Variants in CDC42BPA observed in about 807,000 individuals in gnomAD.
CDC42BPA encodes the protein CDC42 binding protein kinase alpha, also known as serine/threonine-protein kinase MRCK alpha.
CDC42BPA carries 80 observed loss-of-function variants against 223.5 expected under a neutral mutation model. The ratio of observed to expected loss-of-function variants is 0.36; its 90% CI spans 0.30 to 0.43. The LOEUF (loss-of-function observed/expected upper bound fraction) is 0.43. Among genes scored for constraint, CDC42BPA ranks in the 20% least tolerant of loss-of-function variants. The pLI is 1.00. For missense variants in CDC42BPA, 1,743 were observed against 2,099.9 expected (o/e 0.83, Z 3.32); for synonymous variants, 694 against 718.6 (o/e 0.97, Z 0.55).
chr1:227,219,779 T>C (rs1193928988), intron 2 of CDC42BPA, among the ~76,000 whole-genome samples: 1 of 152,112 alleles, frequency 6.6e-6, no homozygotes, highest in Non-Finnish European at 1.5e-5. Flanking sequence ...TCATAAACAC[T>C]ACAGGGTATG....
chr1:226,994,330 A>G lies in CDC42BPA; in HGVS notation c.5203T>C (p.Ser1735Pro). The G allele has an allele frequency of 6.2e-7, 1 of 1,600,024 alleles. No homozygotes were observed. The highest frequency in any genetic ancestry group is 1.1e-5 in the South Asian group (1 of 88,814). The change falls in exon 37 of 37, where the codon TCA becomes CCA. Residue 1735 changes from serine (S) to proline (P), a missense_variant. This residue lies in a region of CDC42BPA where 200 missense variants were observed against 192.8 expected (regional missense o/e 1.04). Coordinates refer to ENST00000366766, the MANE Select transcript of CDC42BPA (RefSeq NM_001394014.1). This position sits in a 1 kb window ranked among gnomAD's most constrained non-coding sequence, Gnocchi z 4.0. ...GAGAGGCTCTTGGTTTTTCGGGGTG[A>G]AGCTGGGCTTGGGGGGCTGCTTAGG... ...SNLSSPPSPA[S>P]PRKTKSLSLE...
At chr1:226,995,402 T>C (rs1460348224) in intron 35 of CDC42BPA, among the ~76,000 whole-genome samples, 5 of 152,160 alleles carry the variant, frequency 3.3e-5, no homozygotes, top group South Asian at 2.1e-4. Context: ...ATTCTCCCAA[T>C]AGATGAGGTG....
At chr1:227,094,402 T>C (rs1270421715) in intron 15 of CDC42BPA, among the ~76,000 whole-genome samples, 1 of 152,178 alleles carries the variant, frequency 6.6e-6, no homozygotes, top group East Asian at 1.9e-4. Context: ...CAACAATGAA[T>C]AGCCAGTCAC....
chr1:227,137,847 T>C (rs1658900563), intron 10 of CDC42BPA, among the ~76,000 whole-genome samples: 1 of 152,104 alleles, frequency 6.6e-6, no homozygotes, highest in South Asian at 2.1e-4. Context: ...TGATGTTTAT[T>C]TCATAGTGGT....
chr1:227,055,142 G>A (rs1674290450), intron 21 of CDC42BPA, among the ~76,000 whole-genome samples: 1 of 151,760 alleles, frequency 6.6e-6, no homozygotes, highest in South Asian at 2.1e-4. Flanking sequence ...CTTGGTAAAG[G>A]TGAATAAACT....
At chr1:227,052,465 A>C (rs1673716771) in intron 21 of CDC42BPA, among the ~76,000 whole-genome samples, 1 of 152,208 alleles carries the variant, frequency 6.6e-6, no homozygotes. Flanking sequence ...CACTAAAGTA[A>C]GTCTTCCCTT....
chr1:227,306,175 C>T (rs1455686525), intron 1 of CDC42BPA, among the ~76,000 whole-genome samples: 4 of 135,954 alleles, frequency 2.9e-5, no homozygotes, highest in Non-Finnish European at 6.2e-5. Context: ...CTACAAAGGT[C>T]TTGGATGTGT....
chr1:227,289,655 A>G (rs1689364403), intron 1 of CDC42BPA, among the ~76,000 whole-genome samples: 1 of 152,200 alleles, frequency 6.6e-6, no homozygotes, highest in Admixed American at 6.5e-5. Flanking sequence ...TATGTCTGTC[A>G]CATAGGAGGT....
At chr1:227,272,937 A>G (rs1418407765) in intron 1 of CDC42BPA, among the ~76,000 whole-genome samples, 2 of 152,234 alleles carry the variant, frequency 1.3e-5, no homozygotes, top group Admixed American at 6.5e-5. Context: ...TGCAGAGACT[A>G]AACTATTTAC....
rs184006353 is a variant in CDC42BPA at position 227,104,626 on chromosome 1, A to T, written c.2002-3387T>A. Among the ~76,000 whole-genome samples the T allele has an allele frequency of 4.9e-3, 745 of 152,308 alleles. 3 individuals carry two copies. The highest frequency in any genetic ancestry group is 0.017 in the African/African-American group (696 of 41,568). On this transcript the variant is annotated intron_variant, in intron 14 of 36. Transcript: ENST00000366766. The stretch of plus-strand genomic sequence containing the variant: ...TTGAAGCCCTAACCACCAGTACTTC[A>T]GAATGTAACCTTATTTTAAAATATG...
chr1:227,292,978 TG>T (rs1689953257), intron 1 of CDC42BPA, among the ~76,000 whole-genome samples: 1 of 152,186 alleles, frequency 6.6e-6, no homozygotes, highest in Admixed American at 6.5e-5. Context: ...CCCAAATCTC[TG>T]CAAAATTGTA....
chr1:227,100,120 G>T (rs865921969), intron 15 of CDC42BPA, among the ~76,000 whole-genome samples: 1 of 152,078 alleles, frequency 6.6e-6, no homozygotes, highest in South Asian at 2.1e-4. Flanking sequence ...GAGTATAACT[G>T]ATAATTTCTC....
At chr1:227,196,338 CTTTTT>C (rs34352900) in intron 4 of CDC42BPA, among the ~76,000 whole-genome samples, 4 of 92,360 alleles carry the variant, frequency 4.3e-5, no homozygotes, top group African/African-American at 1.4e-4. Context: ...TTAAACAATA[CTTTTT>C]TTTTTTTTTT....
In CDC42BPA at chr1:226,998,817, C is replaced by T. The variant is rs1572147904; in HGVS notation, c.4976-3837G>A. Among the ~76,000 whole-genome samples the T allele has an allele frequency of 2.0e-5, 3 of 152,242 alleles. No homozygotes were observed. The East Asian group carries it at 5.8e-4, about 29-fold the overall frequency. On this transcript the variant is annotated intron_variant, in intron 35 of 36. Transcript: ENST00000366766. ...AATGGGATCTAATTAAACTAAAGAG[C>T]TTCTGCACAGCAAAAGAAACTACCA...
intron 5 of CDC42BPA, among the ~76,000 whole-genome samples, chr1:227,188,924 G>A (rs1248804804): frequency 1.3e-5 from 2 of 152,076 alleles, no homozygotes; most frequent in Admixed American, 1.3e-4. Flanking sequence ...GTTGATAGTG[G>A]GGGAGGCTGT....
chr1:227,138,115 C>A (rs75714085), intron 10 of CDC42BPA, among the ~76,000 whole-genome samples: 9,093 of 152,070 alleles, frequency 0.06, 280 homozygotes, highest in Non-Finnish European at 0.072. Flanking sequence ...AGAAAATAGT[C>A]CATTCTATTG....
intron 1 of CDC42BPA, chr1:227,265,277 A>G: frequency 3.9e-6 from 2 of 510,478 alleles, no homozygotes; most frequent in Non-Finnish European, 7.1e-6. Flanking sequence ...GACCTTGAGA[A>G]GTTATTTAGA....
intron 2 of CDC42BPA, among the ~76,000 whole-genome samples, chr1:227,232,910 T>C (rs1271173101): frequency 6.6e-6 from 1 of 152,214 alleles, no homozygotes; most frequent in Non-Finnish European, 1.5e-5. Context: ...TCAAACTCCT[T>C]GCTGGGAGAA....
At chr1:227,080,857 A>C in intron 17 of CDC42BPA, 36 bp downstream of exon 17, 1 of 1,611,196 alleles carries the variant, frequency 6.2e-7, no homozygotes, top group Non-Finnish European at 8.5e-7. Context: ...ACATACTCAC[A>C]ATCATCCACA....
Sources: gnomAD v4.1 joint callset for allele counts (sites outside exome capture counted in the v4.1 genomes callset) on GRCh38, gnomAD v4.1.1 for gene constraint, gnomAD v4.1.1 regional missense constraint, Gnocchi (gnomAD v3.1) non-coding constraint, MANE v1.5 for transcripts, NCBI Gene and HGNC (gene_info 2026-07-23, HGNC 2026-07-21) for gene names.